The following PRDM16 variants were observed in gnomAD, a reference collection of about 807,000 sequenced individuals.
PRDM16 encodes the protein histone-lysine N-methyltransferase PRDM16.
In PRDM16, 23 loss-of-function variants were observed where a neutral mutation model predicts 110.6. The ratio of observed to expected loss-of-function variants is 0.21; its 90% confidence interval spans 0.15 to 0.29. The LOEUF is 0.29. PRDM16 is among the 10% of genes least tolerant of loss of function. The probability of loss-of-function intolerance (pLI) is 1.00; values close to 1 mark genes in which losing one functional copy is unlikely to be tolerated. For synonymous variants in PRDM16, 799 were observed against 781.8 expected (o/e 1.02, Z -0.37); for missense variants, 1,615 against 1,794.3 (o/e 0.90, Z 1.81).
intron 2 of PRDM16, among the ~76,000 whole-genome samples, chr1:3,197,807 G>A (rs1176129003): frequency 6.6e-6 from 1 of 152,152 alleles, no homozygotes; most frequent in Non-Finnish European, 1.5e-5. Context: ...GTCAGACGCA[G>A]GTCCCACGCG....
At chr1:3,346,798 G>A (rs928229742) in intron 3 of PRDM16, among the ~76,000 whole-genome samples, 11 of 152,262 alleles carry the variant, frequency 7.2e-5, no homozygotes, top group Admixed American at 3.3e-4. Context: ...TCTCACGTTC[G>A]CCCGCCCCAG....
At chr1:3,388,906 C>T (rs1198153192) in intron 4 of PRDM16, among the ~76,000 whole-genome samples, 2 of 152,226 alleles carry the variant, frequency 1.3e-5, no homozygotes. Context: ...CCCCCGCATC[C>T]CTCATGGTTC....
intron 1 of PRDM16, among the ~76,000 whole-genome samples, chr1:3,132,204 C>T (rs1223946075): frequency 6.6e-6 from 1 of 152,186 alleles, no homozygotes; most frequent in Non-Finnish European, 1.5e-5. Flanking sequence ...TGAAGGGTTA[C>T]ACGGCGGTGC....
intron 3 of PRDM16, among the ~76,000 whole-genome samples, chr1:3,283,816 T>C (rs1640786299): frequency 6.6e-6 from 1 of 152,194 alleles, no homozygotes; most frequent in Non-Finnish European, 1.5e-5. Context: ...CAAAGCCGGC[T>C]GGTGGTGTTG....
intron 1 of PRDM16, among the ~76,000 whole-genome samples, chr1:3,159,115 T>A (rs147672128): frequency 6.6e-6 from 1 of 152,344 alleles, no homozygotes; most frequent in Non-Finnish European, 1.5e-5. Context: ...CTGATCGGTA[T>A]TCCGCCAGGG....
intron 1 of PRDM16, among the ~76,000 whole-genome samples, chr1:3,162,939 G>A (rs1643912771): frequency 2.3e-5 from 3 of 129,642 alleles, no homozygotes; most frequent in East Asian, 2.5e-4. Context: ...GGGGATGTGC[G>A]CAGAAGCCCC....
intron 1 of PRDM16, among the ~76,000 whole-genome samples, chr1:3,109,568 A>G (rs1642738582): frequency 6.6e-6 from 1 of 152,228 alleles, no homozygotes; most frequent in South Asian, 2.1e-4. Context: ...AGCATCACAG[A>G]CCATTAGACC....
At chr1:3,093,395 G>C (rs191050683) in intron 1 of PRDM16, among the ~76,000 whole-genome samples, 1 of 152,232 alleles carries the variant, frequency 6.6e-6, no homozygotes, top group Non-Finnish European at 1.5e-5. Context: ...CTGGGGTGCA[G>C]CTGGGACTCG....
At position 3,396,561 on chromosome 1, in the gene PRDM16, A is replaced by G. The variant is rs755482445; in HGVS notation, c.644A>G (p.Tyr215Cys). 8.7e-6 allele frequency: 14 copies of G among 1,603,150 alleles called. No individual in the cohort carries two copies. Among genetic ancestry groups the G allele is most frequent in the Non-Finnish European group, 9.4e-6 (11 of 1,174,858 alleles). Residue 215 changes from tyrosine (Y) to cysteine (C), a missense_variant, in exon 5 of 17, where the codon TAC (tyrosine) becomes TGC (cysteine). By Grantham distance (194) the Tyr-to-Cys change is radical. Transcript: ENST00000270722. ...ELLVHVKEGVYPLGTVPPGLD... is the reference protein window; with the variant it reads ...ELLVHVKEGVCPLGTVPPGLD... Reference sequence around the variant, plus strand: ...CTGGTGCACGTGAAGGAAGGCGTCTACCCCCTGGGCACAGTGCCGCCCGGC... The same window carrying G: ...CTGGTGCACGTGAAGGAAGGCGTCTGCCCCCTGGGCACAGTGCCGCCCGGC...
At chr1:3,300,435 T>G (rs1318399177) in intron 3 of PRDM16, among the ~76,000 whole-genome samples, 1 of 147,168 alleles carries the variant, frequency 6.8e-6, no homozygotes, top group Non-Finnish European at 1.5e-5. Flanking sequence ...ACTCTGCCCT[T>G]GTTGAAGATG....
chr1:3,095,561 C>A (rs775503466), intron 1 of PRDM16, among the ~76,000 whole-genome samples: 1 of 152,140 alleles, frequency 6.6e-6, no homozygotes, highest in Admixed American at 6.5e-5. Flanking sequence ...CTGGTCCTCC[C>A]TAGTGCCCCC....
chr1:3,241,779 TG>T (rs1222477363), intron 2 of PRDM16, among the ~76,000 whole-genome samples: 1 of 151,742 alleles, frequency 6.6e-6, no homozygotes, highest in Non-Finnish European at 1.5e-5. Flanking sequence ...AAAGTGCAAG[TG>T]AAAATGCAGC....
chr1:3,332,654 G>A (rs1424570269), intron 3 of PRDM16, among the ~76,000 whole-genome samples: 1 of 151,996 alleles, frequency 6.6e-6, no homozygotes, highest in Non-Finnish European at 1.5e-5. Flanking sequence ...GCATTGTTGT[G>A]CAAACACCAC....
intron 1 of PRDM16, among the ~76,000 whole-genome samples, chr1:3,166,955 G>T (rs943008001): frequency 5.9e-5 from 9 of 152,190 alleles, no homozygotes; most frequent in Non-Finnish European, 1.0e-4. Flanking sequence ...GAGACCTCAA[G>T]GCACTTGCTC....
At chr1:3,180,902 G>A (rs1011742716) in intron 1 of PRDM16, among the ~76,000 whole-genome samples, 20 of 133,132 alleles carry the variant, frequency 1.5e-4, no homozygotes, top group Admixed American at 8.6e-4. Flanking sequence ...CCTCACACAC[G>A]CAGTCTTACA....
intron 2 of PRDM16, among the ~76,000 whole-genome samples, chr1:3,239,103 T>C (rs1355127103): frequency 1.3e-5 from 2 of 152,152 alleles, no homozygotes; most frequent in African/African-American, 2.4e-5. Flanking sequence ...ACCAGGGAAA[T>C]TGGCAGCACC....
intron 5 of PRDM16, among the ~76,000 whole-genome samples, chr1:3,400,893 C>T (rs983423796): frequency 5.3e-5 from 8 of 152,224 alleles, no homozygotes; most frequent in African/African-American, 1.7e-4. Context: ...CCTTCCCTGT[C>T]AGCCAGATAC....
chr1:3,119,173 A>G (rs2981864), intron 1 of PRDM16, among the ~76,000 whole-genome samples: 98,130 of 152,130 alleles, frequency 0.65, 33,879 homozygotes, highest in African/African-American at 0.88. Context: ...AGGGCTGGAC[A>G]GCCCCTGCCT....
rs1039890550 is a variant in PRDM16, at chr1:3,350,309, G to C, written c.439-34843G>C. ...CCACTATACTCCAGCCTGGGCGAGAGAGTGAGACCCTGTCTCAAAAAAATG... is the reference window on the plus strand; with the variant it reads ...CCACTATACTCCAGCCTGGGCGAGACAGTGAGACCCTGTCTCAAAAAAATG... On this transcript the variant is annotated intron_variant, in intron 3 of 16. Transcript: ENST00000270722. This position sits in a 1 kb window ranked among gnomAD's most constrained non-coding sequence, Gnocchi z 7.1. Among the ~76,000 whole-genome samples the C allele has an allele frequency of 2.0e-5, 3 of 152,294 alleles. No homozygotes were observed. The highest frequency in any genetic ancestry group is 7.2e-5 in the African/African-American group (3 of 41,560).
Sources: gnomAD v4.1 joint callset for allele counts (sites outside exome capture counted in the v4.1 genomes callset) on GRCh38, gnomAD v4.1.1 for gene constraint, Gnocchi (gnomAD v3.1) non-coding constraint, MANE v1.5 for transcripts, NCBI Gene and HGNC (gene_info 2026-07-23, HGNC 2026-07-21) for gene names.